TULP4: variants seen among roughly 807,000 people sequenced by gnomAD.
The protein encoded by TULP4 is tubby-related protein 4.
Under a neutral mutation model 129.0 loss-of-function variants are expected in TULP4, and 16 were observed. The observed-to-expected ratio is 0.12, with a 90% CI of 0.08 to 0.19. The LOEUF is 0.19. Among genes scored for constraint, TULP4 ranks in the 10% least tolerant of loss-of-function variants. The probability of loss-of-function intolerance (pLI) is 1.00; values close to 1 mark genes in which losing one functional copy is unlikely to be tolerated. For missense variants in TULP4, 1,842 were observed against 2,059.1 expected (o/e 0.89, Z 2.04); for synonymous variants, 998 against 854.0 (o/e 1.17, Z -2.94).
At chr6:158,475,006 T>C (rs1433349637) in intron 6 of TULP4, among the ~76,000 whole-genome samples, 3 of 152,248 alleles carry the variant, frequency 2.0e-5, no homozygotes, top group Admixed American at 6.5e-5. Flanking sequence ...GATCTGTCCA[T>C]TTGTATACAT....
chr6:158,461,783 G>A (rs565083312), intron 6 of TULP4, 54 bp downstream of exon 6: 491 of 1,529,528 alleles, frequency 3.2e-4, no homozygotes, highest in Non-Finnish European at 4.0e-4. Context: ...TAGTGAATAG[G>A]TTATTATAAT....
chr6:158,489,650 A>G lies in TULP4; in HGVS notation c.1549A>G (p.Ser517Gly). 6.2e-7 allele frequency: 1 copy of G among 1,614,234 alleles called. No individual in the cohort carries two copies. The highest frequency in any genetic ancestry group is 8.5e-7 in the Non-Finnish European group (1 of 1,180,050). Residue 517 changes from serine (S) to glycine (G), a missense_variant, in exon 9 of 14, where the codon AGT becomes GGT. Physicochemically the swap from Ser to Gly is moderately conservative, Grantham distance 56. This residue lies in a region of TULP4 where 456 missense variants were observed against 534.3 expected (regional missense o/e 0.85). Transcript: ENST00000367097. ...CGACAGCTGCAACTGCTCAGACTCC[A>G]GTGACATTGAGCTGAGTGATGACTG... ...VIDSCNCSDS[S>G]DIELSDDWAA...
At position 158,470,010 on chromosome 6, in the gene TULP4, G is replaced by A. The variant is rs573416898; in HGVS notation, c.1026+8281G>A. On this transcript the variant is annotated intron_variant, in intron 6 of 13. Transcript: ENST00000367097. ...ACGGATTCCAAGGAATGGAATCTTG[G>A]GCCATGCAGTGGGTGTTATAGCTCT... is the stretch of plus-strand genomic sequence containing the variant. 5.3e-5 allele frequency among the ~76,000 whole-genome samples: 8 copies of A among 152,190 alleles called. No homozygotes were observed. In the South Asian group the frequency reaches 1.0e-3, roughly 20 times the overall value.
At position 158,414,015 on chromosome 6, in the gene TULP4, C is replaced by T. The variant is rs371123734; in HGVS notation, c.381+822C>T. Among the ~76,000 whole-genome samples, 6 of 152,340 alleles carry T rather than the reference C, an allele frequency of 3.9e-5. No homozygotes were observed. In the South Asian group the frequency reaches 1.2e-3, roughly 32 times the overall value. Reference sequence around the variant, plus strand: ...ACTTGGATTCTCATCCTTCCCTCGCCCACCTGTTGCTTAAATAAGCTGTGA... The same window carrying T: ...ACTTGGATTCTCATCCTTCCCTCGCTCACCTGTTGCTTAAATAAGCTGTGA... On this transcript the variant is annotated intron_variant, in intron 2 of 13. Coordinates refer to ENST00000367097, the MANE Select transcript of TULP4 (RefSeq NM_020245.5).
In TULP4 at chr6:158,313,387, A is replaced by T. The variant is rs1779408130; in HGVS notation, c.-630A>T. The T allele has an allele frequency of 2.5e-6, 1 of 398,546 alleles. No homozygotes were observed. The highest frequency in any genetic ancestry group is 2.1e-5 in the African/African-American group (1 of 48,728). 24.7% of individuals were successfully genotyped at this position (398,546 alleles called of 1,614,324 possible). On this transcript the variant is annotated 5_prime_UTR_variant, in exon 1 of 14. Coordinates refer to ENST00000367097, the MANE Select transcript of TULP4 (RefSeq NM_020245.5). ...CTGCACAAACTCTGGTCTGTTTTGCACGGTTTGTGTGCCTTTTTTTCCCTT... is the reference window on the plus strand; with the variant it reads ...CTGCACAAACTCTGGTCTGTTTTGCTCGGTTTGTGTGCCTTTTTTTCCCTT...
chr6:158,494,013 C>T (rs1246626411), intron 10 of TULP4, among the ~76,000 whole-genome samples: 1 of 152,184 alleles, frequency 6.6e-6, no homozygotes, highest in East Asian at 1.9e-4. Context: ...TCCCTCAGTG[C>T]CCCCTCACCC....
In TULP4 at chr6:158,413,995, G is replaced by T. The variant is rs1024229968; in HGVS notation, c.381+802G>T. On this transcript the variant is annotated intron_variant, in intron 2 of 13. Transcript: ENST00000367097. The surrounding 1 kb of genome is among the most constrained non-coding windows in gnomAD (Gnocchi z 4.9). ...TTTCTATACACTTCTAAGGTACTTG[G>T]ATTCTCATCCTTCCCTCGCCCACCT... Among the ~76,000 whole-genome samples the T allele has an allele frequency of 6.6e-6, 1 of 152,206 alleles. No homozygotes were observed. Among genetic ancestry groups the T allele is most frequent in the Non-Finnish European group, 1.5e-5 (1 of 68,034 alleles).
intron 1 of TULP4, among the ~76,000 whole-genome samples, chr6:158,299,595 G>A (rs1779099081): frequency 6.6e-6 from 1 of 152,130 alleles, no homozygotes; most frequent in African/African-American, 2.4e-5. Context: ...ATACAACCAG[G>A]TGCATGTCCA....
chr6:158,397,427 G>A (rs1777743133), intron 1 of TULP4, among the ~76,000 whole-genome samples: 2 of 152,192 alleles, frequency 1.3e-5, no homozygotes, highest in Non-Finnish European at 2.9e-5. Context: ...TGGTACTGCA[G>A]AAGAGGTACT....
intron 8 of TULP4, among the ~76,000 whole-genome samples, chr6:158,489,137 C>CT: frequency 6.6e-6 from 1 of 152,302 alleles, no homozygotes; most frequent in Non-Finnish European, 1.5e-5. Flanking sequence ...GGACCTGACT[C>CT]TGTCAGGACT....
intron 1 of TULP4, among the ~76,000 whole-genome samples, chr6:158,261,686 A>G (rs1336804803): frequency 6.6e-6 from 1 of 152,236 alleles, no homozygotes; most frequent in East Asian, 1.9e-4. Flanking sequence ...CGGCTCATAC[A>G]AAATGAATGT....
chr6:158,412,455 A>T (rs1163738724), intron 1 of TULP4, among the ~76,000 whole-genome samples: 2 of 152,202 alleles, frequency 1.3e-5, no homozygotes, highest in Non-Finnish European at 2.9e-5. Flanking sequence ...AATTTTTCAA[A>T]TTAAAAAACA....
intron 1 of TULP4, among the ~76,000 whole-genome samples, chr6:158,233,407 G>T (rs1350669705): frequency 2.0e-5 from 3 of 152,240 alleles, no homozygotes; most frequent in Non-Finnish European, 4.4e-5. Context: ...AGGTTTTGAA[G>T]GACGTAAAAA....
chr6:158,314,456 C>T (rs953595928), intron 1 of TULP4, among the ~76,000 whole-genome samples, 188 bp downstream of exon 1: 2 of 152,150 alleles, frequency 1.3e-5, no homozygotes, highest in East Asian at 1.9e-4. Flanking sequence ...CAGTAGGCTG[C>T]GCCTCCCCAG....
At chr6:158,374,030 TGATTACACAGACTGTATCTTG>T (rs542277880) in intron 1 of TULP4, among the ~76,000 whole-genome samples, 13 of 152,200 alleles carry the variant, frequency 8.5e-5, no homozygotes, top group Non-Finnish European at 1.2e-4. Flanking sequence ...TTGGAAATCT[TGATTACACAGACTGTATCTTG>T]ACTTATTTTA....
intron 11 of TULP4, 79 bp from the exon 12 acceptor site, chr6:158,498,590 T>C: frequency 2.5e-6 from 4 of 1,577,244 alleles, no homozygotes; most frequent in Non-Finnish European, 3.5e-6. Context: ...CAGTGCGCTC[T>C]TCTTCCTGTG....
intron 2 of TULP4, among the ~76,000 whole-genome samples, chr6:158,423,314 C>T (rs915302708): frequency 2.0e-5 from 3 of 152,162 alleles, no homozygotes; most frequent in African/African-American, 7.2e-5. Context: ...TAGACTTCAT[C>T]GAAATTTAAT....
Position 158,493,705 on chromosome 6 carries a change from A to G in TULP4, c.1764A>G (p.Glu588=). The change falls in exon 10 of 14, where the codon GAA becomes GAG. Residue 588 remains glutamate, a synonymous_variant. Transcript: ENST00000367097. The surrounding 1 kb of genome is among the most constrained non-coding windows in gnomAD (Gnocchi z 4.4). The part of the protein sequence containing the change: ...PSLTRREFPF[E]DITQHNYLAQ... Reference sequence around the variant, plus strand: ...TGACTCGGAGAGAGTTTCCTTTTGAAGACATCACTCAGGTAGGAGCCCCCA... The same window carrying G: ...TGACTCGGAGAGAGTTTCCTTTTGAGGACATCACTCAGGTAGGAGCCCCCA... The G allele has an allele frequency of 6.3e-7, 1 of 1,577,256 alleles. No homozygotes were observed. Among genetic ancestry groups the G allele is most frequent in the Non-Finnish European group, 8.6e-7 (1 of 1,163,026 alleles).
intron 1 of TULP4, among the ~76,000 whole-genome samples, chr6:158,352,316 G>T (rs975628268): frequency 6.6e-6 from 1 of 152,116 alleles, no homozygotes; most frequent in African/African-American, 2.4e-5. Flanking sequence ...ATATAAAGTG[G>T]TTTATCAAGT....
Sources: allele counts gnomAD v4.1 joint callset (sites outside exome capture counted in the v4.1 genomes callset), GRCh38; gene constraint gnomAD v4.1.1; regional missense constraint gnomAD v4.1.1; non-coding constraint Gnocchi (gnomAD v3.1); transcripts MANE v1.5; gene names NCBI Gene and HGNC (gene_info 2026-07-23, HGNC 2026-07-21).